The following CAPZB variants were observed in gnomAD, a reference collection of about 807,000 sequenced individuals.
The protein encoded by CAPZB is F-actin-capping protein subunit beta.
Under a neutral mutation model 38.1 loss-of-function variants are expected in CAPZB, and 2 were observed. The observed-to-expected ratio is 0.05, with a 90% CI of 0.02 to 0.17. The LOEUF (loss-of-function observed/expected upper bound fraction) is 0.17. Ranked by LOEUF, CAPZB falls within the 10% of genes least tolerant of loss-of-function variation. CAPZB has a pLI of 1.00. For synonymous variants in CAPZB, 107 were observed against 127.4 expected, an observed-to-expected ratio of 0.84 and a Z score of 1.08; for missense variants, 161 against 334.2, an observed-to-expected ratio of 0.48 and a Z score of 4.04.
intron 1 of CAPZB, chr1:19,484,612 A>G: frequency 8.4e-7 from 1 of 1,192,652 alleles, no homozygotes; most frequent in Non-Finnish European, 1.1e-6. Flanking sequence ...CCTGATGGAG[A>G]GCTCCCCTCG....
intron 1 of CAPZB, among the ~76,000 whole-genome samples, chr1:19,451,101 A>C (rs1248366711): frequency 6.6e-6 from 1 of 152,228 alleles, no homozygotes; most frequent in African/African-American, 2.4e-5. Context: ...GATATGCGCC[A>C]AATCAGCCAT....
At chr1:19,435,942 T>C (rs535408075) in intron 1 of CAPZB, among the ~76,000 whole-genome samples, 4 of 152,336 alleles carry the variant, frequency 2.6e-5, no homozygotes, top group Admixed American at 6.5e-5. Context: ...CGCTCTCTAG[T>C]TAAGGATACA....
intron 1 of CAPZB, among the ~76,000 whole-genome samples, chr1:19,474,843 C>T (rs1386701359): frequency 2.0e-5 from 3 of 152,126 alleles, no homozygotes; most frequent in Admixed American, 2.0e-4. Context: ...GCCACTTACA[C>T]CCAGAGAAAC....
chr1:19,416,668 T>A (rs1027742264), intron 2 of CAPZB, among the ~76,000 whole-genome samples: 1 of 151,752 alleles, frequency 6.6e-6, no homozygotes, highest in Non-Finnish European at 1.5e-5. Flanking sequence ...CTGGGCAACA[T>A]AGGGAGAACC....
intron 6 of CAPZB, among the ~76,000 whole-genome samples, chr1:19,345,586 T>C (rs2093955979): frequency 6.6e-6 from 1 of 152,230 alleles, no homozygotes; most frequent in African/African-American, 2.4e-5. Context: ...GAAGACTCAC[T>C]CGGTTTGTCT....
intron 2 of CAPZB, among the ~76,000 whole-genome samples, chr1:19,400,418 C>A (rs1241410197): frequency 6.6e-6 from 1 of 152,156 alleles, no homozygotes; most frequent in Non-Finnish European, 1.5e-5. Context: ...GTGCCATGCC[C>A]TCCTCAAGTA....
At chr1:19,457,740 A>T (rs545498752) in intron 1 of CAPZB, among the ~76,000 whole-genome samples, 108 of 152,350 alleles carry the variant, frequency 7.1e-4, no homozygotes, top group Non-Finnish European at 9.7e-4. Flanking sequence ...AACTTGGCAG[A>T]ATTTGTCAAG....
At chr1:19,359,873 C>T (rs2094043480) in intron 4 of CAPZB, among the ~76,000 whole-genome samples, 2 of 152,248 alleles carry the variant, frequency 1.3e-5, no homozygotes, top group African/African-American at 2.4e-5. Context: ...AGATCCCACT[C>T]CAGAAGATCA....
intron 1 of CAPZB, among the ~76,000 whole-genome samples, chr1:19,449,635 A>G (rs966003562): frequency 6.6e-6 from 1 of 152,008 alleles, no homozygotes; most frequent in African/African-American, 2.4e-5. Context: ...TAAAAACACA[A>G]AAATTAGCTG....
intron 1 of CAPZB, among the ~76,000 whole-genome samples, chr1:19,471,117 T>C (rs1300185506): frequency 6.6e-6 from 1 of 152,232 alleles, no homozygotes; most frequent in South Asian, 2.1e-4. Context: ...ACAGTTATTA[T>C]CAATAACTGA....
intron 1 of CAPZB, among the ~76,000 whole-genome samples, chr1:19,420,945 G>C (rs2094398994): frequency 1.3e-5 from 2 of 152,236 alleles, no homozygotes; most frequent in South Asian, 4.1e-4. Flanking sequence ...TAACACAGAA[G>C]GCTAGACCTC....
intron 1 of CAPZB, among the ~76,000 whole-genome samples, chr1:19,444,544 C>T (rs7526496): frequency 0.18 from 27,355 of 152,188 alleles, 2,795 homozygotes; most frequent in South Asian, 0.3. Context: ...TAACTGCACA[C>T]TGGCTCTAAG....
At chr1:19,346,301 T>G (rs571733061) in intron 6 of CAPZB, among the ~76,000 whole-genome samples, 48 of 150,662 alleles carry the variant, frequency 3.2e-4, no homozygotes, top group Non-Finnish European at 5.8e-4. Context: ...AAGGGTAGAG[T>G]AGAAACCATG....
chr1:19,398,545 G>C (rs1320111311), intron 2 of CAPZB, among the ~76,000 whole-genome samples: 2 of 152,220 alleles, frequency 1.3e-5, no homozygotes, highest in African/African-American at 4.8e-5. Flanking sequence ...TGCTAAGGCA[G>C]ACTCAACAAG....
At chr1:19,474,543 C>A (rs2094600329) in intron 1 of CAPZB, among the ~76,000 whole-genome samples, 1 of 152,140 alleles carries the variant, frequency 6.6e-6, no homozygotes, top group Non-Finnish European at 1.5e-5. Context: ...TAAACCTAAA[C>A]CCTGACACTT....
rs2094137977 is a variant in CAPZB, at chr1:19,375,025, C to T, written c.329+3515G>A. Among the ~76,000 whole-genome samples, 4 of 152,186 alleles carry T rather than the reference C, an allele frequency of 2.6e-5. No individual in the cohort carries two copies. In the South Asian group the frequency reaches 6.2e-4, roughly 24 times the overall value. ...CCCCTCAGGAGACAAGGCCACCCAG[C>T]TGACTCCCCTCTGCTCCAAAGCCAC... On this transcript the variant is annotated intron_variant, in intron 4 of 8. Coordinates refer to ENST00000264202, the MANE Select transcript of CAPZB (RefSeq NM_004930.5).
chr1:19,353,600 C>T (rs1252685338), intron 6 of CAPZB, among the ~76,000 whole-genome samples: 1 of 152,094 alleles, frequency 6.6e-6, no homozygotes. Flanking sequence ...CTTGTCATCT[C>T]TCTCCTTGAT....
At chr1:19,394,316 C>T (rs992153841) in intron 2 of CAPZB, among the ~76,000 whole-genome samples, 2 of 152,248 alleles carry the variant, frequency 1.3e-5, no homozygotes, top group African/African-American at 2.4e-5. Flanking sequence ...GCAAGCACAG[C>T]CTGCTTTCTT....
intron 2 of CAPZB, among the ~76,000 whole-genome samples, chr1:19,400,093 C>T (rs181857715): frequency 9.2e-5 from 14 of 152,250 alleles, no homozygotes; most frequent in Admixed American, 5.2e-4. Context: ...TATTTGTATA[C>T]AGAATCCAAA....
Sources: gnomAD v4.1 joint callset for allele counts (sites outside exome capture counted in the v4.1 genomes callset) on GRCh38, gnomAD v4.1.1 for gene constraint, MANE v1.5 for transcripts, NCBI Gene and HGNC (gene_info 2026-07-23, HGNC 2026-07-21) for gene names.